CADM2: variants seen among roughly 807,000 people sequenced by gnomAD.
CADM2 encodes immunoglobulin superfamily member 4D.
A neutral mutation model predicts 49.8 loss-of-function variants in CADM2; 12 were observed. The ratio of observed to expected loss-of-function variants is 0.24; its 90% confidence interval spans 0.15 to 0.39. The LOEUF (loss-of-function observed/expected upper bound fraction) is 0.39. Ranked by LOEUF, CADM2 falls within the 10% of genes least tolerant of loss-of-function variation. The probability of loss-of-function intolerance (pLI) is 1.00; values close to 1 mark genes in which losing one functional copy is unlikely to be tolerated. For synonymous variants in CADM2, 214 were observed against 175.4 expected (o/e 1.22, Z -1.74); for missense variants, 378 against 492.3 (o/e 0.77, Z 2.20).
intron 5 of CADM2, 28 bp from the exon 6 acceptor site, chr3:85,912,345 C>T (rs1400281994): frequency 1.9e-6 from 3 of 1,550,472 alleles, no homozygotes; most frequent in Admixed American, 3.5e-5. Flanking sequence ...AAAGGTGTCA[C>T]ATTTTAAAAT....
At chr3:85,496,754 A>G (rs181591968) in intron 1 of CADM2, among the ~76,000 whole-genome samples, 1 of 152,258 alleles carries the variant, frequency 6.6e-6, no homozygotes, top group East Asian at 1.9e-4. Flanking sequence ...GTAAGATGTT[A>G]TCTCACTGTG....
chr3:85,714,321 C>T (rs529167062), intron 1 of CADM2, among the ~76,000 whole-genome samples: 8 of 152,308 alleles, frequency 5.3e-5, no homozygotes, highest in African/African-American at 9.6e-5. Flanking sequence ...ACACATGGTC[C>T]TGAGTTTCAC....
At chr3:85,230,703 T>C (rs1297949549) in intron 1 of CADM2, among the ~76,000 whole-genome samples, 1 of 152,182 alleles carries the variant, frequency 6.6e-6, no homozygotes, top group Non-Finnish European at 1.5e-5. Flanking sequence ...ACTGCTTGTA[T>C]AAGGAAAATA....
chr3:85,707,146 A>G (rs1199059256), intron 1 of CADM2, among the ~76,000 whole-genome samples: 1 of 151,848 alleles, frequency 6.6e-6, no homozygotes, highest in Non-Finnish European at 1.5e-5. Flanking sequence ...TTTATACTGT[A>G]TATGTTTTAT....
chr3:85,546,106 T>G (rs530289057), intron 1 of CADM2, among the ~76,000 whole-genome samples: 1 of 152,326 alleles, frequency 6.6e-6, no homozygotes, highest in East Asian at 1.9e-4. Context: ...TCCTAAATTT[T>G]ACTTCTTTAT....
chr3:85,212,869 TC>T lies in CADM2; in HGVS notation c.61+253202del, dbSNP rs1559723806. On this transcript the variant is annotated intron_variant, in intron 1 of 9. Coordinates refer to ENST00000383699, the MANE Select transcript of CADM2 (RefSeq NM_001167675.2). Reference sequence around the variant, plus strand: ...TTCTTTCTTTCTTTCTTTCTTTCTTTCTTTCTTTCTTTCTTTCTCTTTCTTT... The same window carrying T: ...TTCTTTCTTTCTTTCTTTCTTTCTTTTTTCTTTCTTTCTTTCTCTTTCTTT... 5.0e-4 allele frequency among the ~76,000 whole-genome samples: 67 copies of T among 133,182 alleles called. 1 individual carries two copies. The highest frequency in any genetic ancestry group is 2.2e-3 in the African/African-American group (65 of 29,962). 87.4% of individuals were successfully genotyped at this position (133,182 alleles called of 152,430 possible).
rs184427239 is a variant in CADM2, at chr3:85,515,715, G to T, written c.62-210807G>T. Among the ~76,000 whole-genome samples, 196 of 149,460 alleles carry T rather than the reference G, an allele frequency of 1.3e-3. 4 individuals are homozygous for T. Among genetic ancestry groups the T allele is most frequent in the Admixed American group, 0.013 (195 of 14,878 alleles). On this transcript the variant is annotated intron_variant, in intron 1 of 9. Transcript: ENST00000383699. ...TCAGACCTCGAACTCCTGACCTCGT[G>T]GTCCGCCCACCTCAGCCTCCCAAAG...
intron 8 of CADM2, among the ~76,000 whole-genome samples, chr3:86,063,946 T>A (rs1246728311): frequency 1.3e-5 from 2 of 152,120 alleles, no homozygotes; most frequent in Non-Finnish European, 1.5e-5. Context: ...ATTGCCCAGG[T>A]CTTCACTCAG....
chr3:85,994,364 A>G (rs1729116640), intron 8 of CADM2: 2 of 152,206 alleles, frequency 1.3e-5, no homozygotes, highest in Admixed American at 1.3e-4. Context: ...GGTCTGGATT[A>G]GGCTTTGGTT....
At chr3:85,292,837 G>T (rs575304043) in intron 1 of CADM2, among the ~76,000 whole-genome samples, 1 of 152,038 alleles carries the variant, frequency 6.6e-6, no homozygotes, top group Non-Finnish European at 1.5e-5. Context: ...AGAGAAAGCA[G>T]GAAAGATCCA....
intron 1 of CADM2, among the ~76,000 whole-genome samples, 174 bp downstream of exon 1, chr3:84,959,842 A>G (rs1005076045): frequency 1.3e-5 from 2 of 151,546 alleles, no homozygotes; most frequent in Non-Finnish European, 2.9e-5. Flanking sequence ...CAGCCCCTCG[A>G]ATTTCTAACA....
At chr3:84,995,068 C>T (rs948586801) in intron 1 of CADM2, among the ~76,000 whole-genome samples, 1 of 152,050 alleles carries the variant, frequency 6.6e-6, no homozygotes, top group Non-Finnish European at 1.5e-5. Flanking sequence ...TGTAAGTGTT[C>T]ATCCATTCAA....
At chr3:85,326,642 C>T (rs985963781) in intron 1 of CADM2, among the ~76,000 whole-genome samples, 2 of 151,940 alleles carry the variant, frequency 1.3e-5, no homozygotes, top group Non-Finnish European at 2.9e-5. Flanking sequence ...GCTAATTTGA[C>T]GAAGATGTTG....
chr3:84,968,065 A>G (rs757267164), intron 1 of CADM2, among the ~76,000 whole-genome samples: 22 of 151,994 alleles, frequency 1.4e-4, no homozygotes, highest in Non-Finnish European at 2.5e-4. Context: ...GAGGTTTGGA[A>G]TTCTCCCACT....
At chr3:85,030,440 G>A (rs1276910356) in intron 1 of CADM2, among the ~76,000 whole-genome samples, 1 of 152,082 alleles carries the variant, frequency 6.6e-6, no homozygotes, top group East Asian at 1.9e-4. Context: ...TTTTGTCCAC[G>A]GATCATTTTC....
intron 1 of CADM2, among the ~76,000 whole-genome samples, chr3:84,975,372 A>T (rs1029548585): frequency 4.0e-5 from 6 of 151,808 alleles, no homozygotes. Context: ...GAGAAAACTT[A>T]TAAGGGATTG....
chr3:85,534,513 GA>G (rs1215902247), intron 1 of CADM2, among the ~76,000 whole-genome samples: 2 of 152,118 alleles, frequency 1.3e-5, no homozygotes, highest in African/African-American at 4.8e-5. Context: ...CTATTATTGT[GA>G]ATAAAGAATT....
In CADM2 at chr3:85,769,443, C is replaced by T. The variant is rs181901631; in HGVS notation, c.89-32604C>T. Among the ~76,000 whole-genome samples the T allele has an allele frequency of 1.8e-3, 171 of 94,196 alleles. 3 individuals carry two copies. The highest frequency in any genetic ancestry group is 0.014 in the Middle Eastern group (1 of 70). 61.8% of individuals were successfully genotyped at this position (94,196 alleles called of 152,430 possible). A position where few individuals can be genotyped will look rare whatever the true frequency, so the allele number is the denominator to read the frequency against. On this transcript the variant is annotated intron_variant, in intron 2 of 9. Transcript: ENST00000383699. The stretch of plus-strand genomic sequence containing the variant: ...CATATATACATATATAGTATATATA[C>T]ACGTATATACATATATACATATATA...
intron 8 of CADM2, among the ~76,000 whole-genome samples, chr3:85,999,657 A>G (rs1729914417): frequency 6.6e-6 from 1 of 151,426 alleles, no homozygotes; most frequent in African/African-American, 2.4e-5. Context: ...AAGGAAAGAA[A>G]AAAGAAAGAA....
Sources: allele counts gnomAD v4.1 joint callset (sites outside exome capture counted in the v4.1 genomes callset), GRCh38; gene constraint gnomAD v4.1.1; transcripts MANE v1.5; gene names NCBI Gene and HGNC (gene_info 2026-07-23, HGNC 2026-07-21).